The following FHIT variants were observed in gnomAD, a reference collection of about 807,000 sequenced individuals.
FHIT encodes bis(5'-adenosyl)-triphosphatase.
A neutral mutation model predicts 17.9 loss-of-function variants in FHIT; 19 were observed. The ratio of observed to expected loss-of-function variants is 1.06; its 90% confidence interval spans 0.74 to 1.56. The LOEUF is 1.56. FHIT is among the 40% of genes most tolerant of loss of function. The pLI, the probability that FHIT is intolerant of heterozygous loss-of-function variation, is 0.00. For synonymous variants in FHIT, 81 were observed against 69.7 expected (o/e 1.16, Z -0.81); for missense variants, 248 against 189.2 (o/e 1.31, Z -1.82).
intron 4 of FHIT, among the ~76,000 whole-genome samples, chr3:60,795,925 T>C (rs1322161411): frequency 1.3e-5 from 2 of 152,156 alleles, no homozygotes; most frequent in Non-Finnish European, 2.9e-5. Flanking sequence ...GATGAAGACA[T>C]ACCCAAGACT....
chr3:60,987,285 T>C (rs1184134528), intron 3 of FHIT, among the ~76,000 whole-genome samples: 2 of 152,182 alleles, frequency 1.3e-5, no homozygotes, highest in African/African-American at 2.4e-5. Flanking sequence ...TCTGCAGCAC[T>C]GTAACATGTT....
chr3:60,795,957 T>A (rs1553730166), intron 4 of FHIT, among the ~76,000 whole-genome samples: 1 of 152,156 alleles, frequency 6.6e-6, no homozygotes, highest in East Asian at 1.9e-4. Context: ...GAGGTTTAAT[T>A]AGACTTACAG....
chr3:60,072,571 G>C (rs548963558), intron 5 of FHIT, among the ~76,000 whole-genome samples: 1 of 152,288 alleles, frequency 6.6e-6, no homozygotes, highest in South Asian at 2.1e-4. Context: ...TTCCAATTAA[G>C]TCTTCAAGGT....
chr3:60,959,689 G>A (rs1709320457), intron 3 of FHIT, among the ~76,000 whole-genome samples: 3 of 152,094 alleles, frequency 2.0e-5, no homozygotes, highest in Admixed American at 2.0e-4. Flanking sequence ...ACAAGAATGT[G>A]CAAATGCTCT....
intron 8 of FHIT, among the ~76,000 whole-genome samples, chr3:59,761,572 G>C (rs531075608): frequency 4.6e-5 from 7 of 152,016 alleles, no homozygotes; most frequent in Admixed American, 1.3e-4. Context: ...TGCACAAACA[G>C]AAGATCCCTG....
chr3:60,650,284 G>T (rs2039961029), intron 4 of FHIT, among the ~76,000 whole-genome samples: 1 of 152,142 alleles, frequency 6.6e-6, no homozygotes, highest in African/African-American at 2.4e-5. Context: ...TTAGTTTCTT[G>T]TGGTCTATTC....
chr3:60,620,622 A>T (rs2039095087), intron 4 of FHIT, among the ~76,000 whole-genome samples: 1 of 152,122 alleles, frequency 6.6e-6, no homozygotes, highest in Non-Finnish European at 1.5e-5. Context: ...TACAAAGATC[A>T]ATGGTTTGCA....
chr3:60,913,259 G>A (rs1309450817), intron 3 of FHIT, among the ~76,000 whole-genome samples: 1 of 152,216 alleles, frequency 6.6e-6, no homozygotes, highest in African/African-American at 2.4e-5. Context: ...ACAGATGAAT[G>A]AGCCAGTACA....
At chr3:61,142,578 C>A (rs2037117371) in intron 2 of FHIT, among the ~76,000 whole-genome samples, 1 of 152,098 alleles carries the variant, frequency 6.6e-6, no homozygotes, top group South Asian at 2.1e-4. Context: ...GCTTCGCTAC[C>A]TCATGGCATA....
At chr3:60,668,905 C>T (rs1358185252) in intron 4 of FHIT, among the ~76,000 whole-genome samples, 3 of 152,102 alleles carry the variant, frequency 2.0e-5, no homozygotes, top group African/African-American at 7.2e-5. Context: ...TCTCTTGTAC[C>T]ATTACCAGAG....
At chr3:60,532,246 A>C (rs2035813586) in intron 5 of FHIT, among the ~76,000 whole-genome samples, 1 of 152,206 alleles carries the variant, frequency 6.6e-6, no homozygotes, top group Non-Finnish European at 1.5e-5. Context: ...TCCTTATGCC[A>C]TTCAGAATAG....
intron 3 of FHIT, among the ~76,000 whole-genome samples, chr3:60,936,429 G>A (rs1454073914): frequency 6.6e-6 from 1 of 152,190 alleles, no homozygotes; most frequent in Non-Finnish European, 1.5e-5. Context: ...AAAGATTTGA[G>A]ATATGCTATT....
rs2040132717 is a variant in FHIT, at chr3:60,657,015, T to C, written c.-17-120036A>G. Among the ~76,000 whole-genome samples, 4 of 150,888 alleles carry C rather than the reference T, an allele frequency of 2.7e-5. No individual in the cohort carries two copies. The East Asian group carries it at 5.8e-4, about 22-fold the overall frequency. On this transcript the variant is annotated intron_variant, in intron 4 of 9. Coordinates refer to ENST00000492590, the MANE Select transcript of FHIT (RefSeq NM_002012.4). ...ACATCCAGGACAAATAAAAGCCAAATGAATACTTTAGACAAATTCAAACTC... is the reference window on the plus strand; with the variant it reads ...ACATCCAGGACAAATAAAAGCCAAACGAATACTTTAGACAAATTCAAACTC...
At chr3:60,220,316 C>T (rs1703904315) in intron 5 of FHIT, among the ~76,000 whole-genome samples, 2 of 151,924 alleles carry the variant, frequency 1.3e-5, no homozygotes, top group African/African-American at 2.4e-5. Flanking sequence ...TCCTATCTAC[C>T]TCCCTTCACT....
At chr3:60,159,872 C>A (rs906350997) in intron 5 of FHIT, among the ~76,000 whole-genome samples, 6 of 152,142 alleles carry the variant, frequency 3.9e-5, no homozygotes, top group Non-Finnish European at 7.4e-5. Context: ...GCCTCACACT[C>A]AACAGCGGCT....
At chr3:61,080,463 G>T (rs1559965839) in intron 2 of FHIT, among the ~76,000 whole-genome samples, 1 of 150,202 alleles carries the variant, frequency 6.7e-6, no homozygotes, top group African/African-American at 2.4e-5. Context: ...AAACGGAACT[G>T]AAAAAAAAAG....
chr3:60,443,231 T>G (rs1208570287), intron 5 of FHIT, among the ~76,000 whole-genome samples: 6 of 152,202 alleles, frequency 3.9e-5, no homozygotes, highest in Admixed American at 3.9e-4. Flanking sequence ...AGTGACAATT[T>G]GACTTCCTCT....
At chr3:60,737,597 G>A (rs558427830) in intron 4 of FHIT, among the ~76,000 whole-genome samples, 1 of 152,320 alleles carries the variant, frequency 6.6e-6, no homozygotes, top group South Asian at 2.1e-4. Context: ...AATGTTCAGA[G>A]TGGAAGGATG....
intron 5 of FHIT, among the ~76,000 whole-genome samples, chr3:60,273,947 T>C (rs1292722817): frequency 1.3e-5 from 2 of 151,890 alleles, no homozygotes; most frequent in Admixed American, 6.6e-5. Flanking sequence ...TGCACTTATA[T>C]AACTTTTATT....
Sources: allele counts gnomAD v4.1 joint callset (sites outside exome capture counted in the v4.1 genomes callset), GRCh38; gene constraint gnomAD v4.1.1; transcripts MANE v1.5; gene names NCBI Gene and HGNC (gene_info 2026-07-23, HGNC 2026-07-21).